Variants in ARHGAP10 observed in about 807,000 individuals in gnomAD.
ARHGAP10 encodes Rho GTPase activating protein 10, also known as rho GTPase-activating protein 10.
A neutral mutation model predicts 108.6 loss-of-function variants in ARHGAP10; 87 were observed. That is an observed-to-expected ratio of 0.80 (90% CI 0.67 to 0.96). The LOEUF (loss-of-function observed/expected upper bound fraction) is 0.96. Among genes scored for constraint, ARHGAP10 ranks in the 40% least tolerant of loss-of-function variants. The probability of loss-of-function intolerance (pLI) is 0.00; values close to 1 mark genes in which losing one functional copy is unlikely to be tolerated. For missense variants in ARHGAP10, 939 were observed against 954.5 expected, an observed-to-expected ratio of 0.98 and a Z score of 0.21; for synonymous variants, 347 against 341.1, an observed-to-expected ratio of 1.02 and a Z score of -0.19.
At chr4:147,779,821 A>G (rs1049964169) in intron 1 of ARHGAP10, among the ~76,000 whole-genome samples, 70 of 152,224 alleles carry the variant, frequency 4.6e-4, no homozygotes, top group Admixed American at 4.4e-3. Context: ...GATTCTAAAT[A>G]TGTAATCTGT....
chr4:148,070,392 G>A (rs1009909665), intron 22 of ARHGAP10, among the ~76,000 whole-genome samples: 1 of 152,302 alleles, frequency 6.6e-6, no homozygotes, highest in South Asian at 2.1e-4. Context: ...TGAATGTAAG[G>A]AAAGTGCAGG....
intron 18 of ARHGAP10, among the ~76,000 whole-genome samples, chr4:147,977,645 T>C (rs1739645459): frequency 1.3e-5 from 2 of 152,176 alleles, no homozygotes; most frequent in Admixed American, 1.3e-4. Flanking sequence ...CTCCACTCAA[T>C]TGTGTGACTT....
chr4:147,854,592 A>C (rs191154567), intron 4 of ARHGAP10: 14 of 488,822 alleles, frequency 2.9e-5, no homozygotes, highest in Non-Finnish European at 3.5e-5. Context: ...TTTTTTCTGT[A>C]ATGCAGTATT....
chr4:147,973,614 C>T (rs991408481), intron 18 of ARHGAP10, among the ~76,000 whole-genome samples: 4 of 152,112 alleles, frequency 2.6e-5, no homozygotes, highest in African/African-American at 9.7e-5. Context: ...GTTGTGCTAT[C>T]AAATACTGAA....
chr4:147,992,886 T>C (rs745373725), intron 18 of ARHGAP10, among the ~76,000 whole-genome samples: 2 of 152,190 alleles, frequency 1.3e-5, no homozygotes, highest in South Asian at 4.1e-4. Flanking sequence ...TCTATTGTTT[T>C]GCGATGCTCT....
chr4:148,065,802 C>CCTTA (rs1264023263), intron 22 of ARHGAP10: 1 of 152,050 alleles, frequency 6.6e-6, no homozygotes. Context: ...TACTAGGATA[C>CCTTA]CTTAGGCTGC....
chr4:147,914,164 C>A (rs1736863143), intron 13 of ARHGAP10, among the ~76,000 whole-genome samples: 2 of 152,066 alleles, frequency 1.3e-5, no homozygotes, highest in African/African-American at 2.4e-5. Flanking sequence ...AAAAAGAAAT[C>A]CGCTTTATTG....
At chr4:147,741,767 TACACACACACACAC>T (rs369661175) in intron 1 of ARHGAP10, among the ~76,000 whole-genome samples, 1 of 134,566 alleles carries the variant, frequency 7.4e-6, no homozygotes, top group Non-Finnish European at 1.6e-5. Flanking sequence ...TCGTTCTCTT[TACACACACACACAC>T]ACACACACAC....
At position 147,732,486 on chromosome 4, in the gene ARHGAP10, C is replaced by T. The variant is rs1409783687; in HGVS notation, c.154+31C>T. On this transcript the variant is annotated intron_variant, in intron 1 of 22. Coordinates refer to ENST00000336498, the MANE Select transcript of ARHGAP10 (RefSeq NM_024605.4). ...CGGGGACGCGGGCGCGGACGGGCTGCGGCGTGGCGAGGCGGCTGGGGGAGC... is the reference window on the plus strand; with the variant it reads ...CGGGGACGCGGGCGCGGACGGGCTGTGGCGTGGCGAGGCGGCTGGGGGAGC... 6 of 1,604,558 alleles carry T rather than the reference C, an allele frequency of 3.7e-6. No homozygotes were observed. In the African/African-American group the frequency reaches 8.1e-5, roughly 22 times the overall value.
chr4:147,992,587 A>G (rs6535572), intron 18 of ARHGAP10, among the ~76,000 whole-genome samples: 22,206 of 151,750 alleles, frequency 0.15, 2,672 homozygotes, highest in African/African-American at 0.33. Context: ...TGTATTTTTA[A>G]TAGAGATGGG....
intron 1 of ARHGAP10, among the ~76,000 whole-genome samples, chr4:147,810,360 C>T (rs1421025602): frequency 5.9e-5 from 9 of 152,228 alleles, no homozygotes. Flanking sequence ...TCACAGTTAA[C>T]ATTATCCCCA....
chr4:147,942,111 G>A (rs1458070424), intron 14 of ARHGAP10, among the ~76,000 whole-genome samples: 1 of 152,100 alleles, frequency 6.6e-6, no homozygotes, highest in African/African-American at 2.4e-5. Flanking sequence ...AATTGTGTGG[G>A]TCTGCCAAGT....
intron 22 of ARHGAP10, among the ~76,000 whole-genome samples, chr4:148,068,689 G>C (rs547772693): frequency 6.6e-6 from 1 of 152,178 alleles, no homozygotes; most frequent in African/African-American, 2.4e-5. Flanking sequence ...TGGTTGCCTC[G>C]GGGTGGGAGA....
At chr4:147,906,108 A>G (rs1399344922) in intron 10 of ARHGAP10, among the ~76,000 whole-genome samples, 1 of 152,086 alleles carries the variant, frequency 6.6e-6, no homozygotes, top group African/African-American at 2.4e-5. Flanking sequence ...CTGAAGGTGC[A>G]TCTTTTCTTA....
chr4:147,733,176 C>T (rs1728290986), intron 1 of ARHGAP10, among the ~76,000 whole-genome samples: 1 of 152,182 alleles, frequency 6.6e-6, no homozygotes, highest in Non-Finnish European at 1.5e-5. Flanking sequence ...GGCTTGGTGC[C>T]TTCCTCCCCT....
At chr4:147,839,122 ATCTATCTATCTATCTATCTATCTG>A (rs1306014163) in intron 3 of ARHGAP10, among the ~76,000 whole-genome samples, 1 of 148,088 alleles carries the variant, frequency 6.8e-6, no homozygotes, top group Non-Finnish European at 1.5e-5. Context: ...CTATCTATCT[ATCTATCTATCTATCTATCTATCTG>A]TCTGTCTGTC....
intron 8 of ARHGAP10, among the ~76,000 whole-genome samples, 197 bp downstream of exon 8, chr4:147,875,347 G>A (rs1353013907): frequency 6.6e-6 from 1 of 152,174 alleles, no homozygotes; most frequent in East Asian, 1.9e-4. Flanking sequence ...GGTACTGTGA[G>A]GTTAGGAGTG....
At chr4:148,055,570 T>A (rs1729326391) in intron 20 of ARHGAP10, among the ~76,000 whole-genome samples, 1 of 152,066 alleles carries the variant, frequency 6.6e-6, no homozygotes, top group South Asian at 2.1e-4. Flanking sequence ...GCACCTGTAA[T>A]CCCAGCTACT....
Position 147,997,865 on chromosome 4 carries a change from TAGG to T in ARHGAP10, c.1717-25395_1717-25393del, listed in dbSNP as rs768082194. On this transcript the variant is annotated intron_variant, in intron 18 of 22. Transcript: ENST00000336498. The stretch of plus-strand genomic sequence containing the variant: ...ATTTAGGAATTACCAACAGTAATAA[TAGG>T]AGCAAAAAAATTAGTCCCAGTAATA... Among the ~76,000 whole-genome samples, 5 of 152,324 alleles carry T rather than the reference TAGG, an allele frequency of 3.3e-5. No individual in the cohort carries two copies. In the East Asian group the frequency reaches 9.6e-4, roughly 29 times the overall value.
Sources: allele counts gnomAD v4.1 joint callset (sites outside exome capture counted in the v4.1 genomes callset), GRCh38; gene constraint gnomAD v4.1.1; transcripts MANE v1.5; gene names NCBI Gene and HGNC (gene_info 2026-07-23, HGNC 2026-07-21).